The following CDH12 variants were observed in gnomAD, a reference collection of about 807,000 sequenced individuals.
The protein encoded by CDH12 is cadherin 12, also known as cadherin-12.
In CDH12, 41 loss-of-function variants were observed where a neutral mutation model predicts 74.1. The ratio of observed to expected loss-of-function variants is 0.55; its 90% CI spans 0.43 to 0.72. The LOEUF (loss-of-function observed/expected upper bound fraction) is 0.72. CDH12 is among the 30% of genes least tolerant of loss of function. CDH12 has a pLI of 0.00. For synonymous variants in CDH12, 399 were observed against 355.0 expected (o/e 1.12, Z -1.39); for missense variants, 945 against 977.2 (o/e 0.97, Z 0.44).
chr5:22,320,369 A>G (rs1738818467), intron 3 of CDH12, among the ~76,000 whole-genome samples: 1 of 152,194 alleles, frequency 6.6e-6, no homozygotes, highest in South Asian at 2.1e-4. Context: ...AAAATTGTAA[A>G]TGGATTATTT....
chr5:21,753,705 T>C (rs893864984), intron 14 of CDH12, among the ~76,000 whole-genome samples: 2 of 152,138 alleles, frequency 1.3e-5, no homozygotes, highest in Admixed American at 6.6e-5. Context: ...CACTGCTGTA[T>C]ACCAAAAATT....
intron 1 of CDH12, among the ~76,000 whole-genome samples, chr5:22,682,781 TA>T (rs1741563561): frequency 6.6e-6 from 1 of 151,824 alleles, no homozygotes; most frequent in South Asian, 2.1e-4. Context: ...TTACTCTCAT[TA>T]AAACCTTCCT....
At chr5:22,116,645 T>C (rs1410712978) in intron 4 of CDH12, among the ~76,000 whole-genome samples, 3 of 150,646 alleles carry the variant, frequency 2.0e-5, no homozygotes, top group Non-Finnish European at 4.4e-5. Flanking sequence ...AGATGAAAAG[T>C]GTAGCCCGGG....
rs113467163 is a variant in CDH12 at position 22,310,209 on chromosome 5, C to T, written c.-333+95048G>A. Among the ~76,000 whole-genome samples, 668 of 151,984 alleles carry T rather than the reference C, an allele frequency of 4.4e-3. 7 individuals are homozygous for T. Among genetic ancestry groups the T allele is most frequent in the African/African-American group, 0.015 (639 of 41,426 alleles). ...AGCGCGGTGGTTCACGCCTGTATTC[C>T]CTGCACTTTGGGAGGCTGAGGTGGG... On this transcript the variant is annotated intron_variant, in intron 3 of 14. Coordinates refer to ENST00000382254, the MANE Select transcript of CDH12 (RefSeq NM_004061.5).
intron 6 of CDH12, among the ~76,000 whole-genome samples, chr5:21,896,619 G>A (rs764876632): frequency 3.3e-5 from 5 of 152,082 alleles, no homozygotes; most frequent in Non-Finnish European, 7.4e-5. Context: ...CAACCTAATC[G>A]ATGTATAAAC....
At position 21,833,017 on chromosome 5, in the gene CDH12, GATATAAT is replaced by G. The variant is rs1191974465; in HGVS notation, c.814+9137_814+9143del. Among the ~76,000 whole-genome samples the G allele has an allele frequency of 3.7e-3, 109 of 29,850 alleles. 1 individual carries two copies. Among genetic ancestry groups the G allele is most frequent in the African/African-American group, 8.9e-3 (29 of 3,256 alleles). 19.6% of individuals were successfully genotyped at this position (29,850 alleles called of 152,430 possible). A position where few individuals can be genotyped will look rare whatever the true frequency, so the allele number is the denominator to read the frequency against. The stretch of plus-strand genomic sequence containing the variant: ...TATTAATATATTATATATAATATAT[GATATAAT>G]ATATAATATATAATATATAATATAT... On this transcript the variant is annotated intron_variant, in intron 8 of 14. Coordinates refer to ENST00000382254, the MANE Select transcript of CDH12 (RefSeq NM_004061.5).
At chr5:22,507,406 C>T (rs1485184217) in intron 1 of CDH12, among the ~76,000 whole-genome samples, 1 of 151,750 alleles carries the variant, frequency 6.6e-6, no homozygotes, top group Admixed American at 6.6e-5. Flanking sequence ...ATCATTACAG[C>T]TAAATAGTAG....
At chr5:21,795,343 G>A (rs965741358) in intron 10 of CDH12, among the ~76,000 whole-genome samples, 2 of 151,748 alleles carry the variant, frequency 1.3e-5, no homozygotes, top group African/African-American at 4.8e-5. Context: ...ATTTATAAAG[G>A]AAGTAACTGT....
At chr5:22,442,721 T>C (rs1311085013) in intron 2 of CDH12, among the ~76,000 whole-genome samples, 2 of 151,964 alleles carry the variant, frequency 1.3e-5, no homozygotes, top group African/African-American at 4.8e-5. Flanking sequence ...AAAGCAAGGG[T>C]CTTGAGAATG....
chr5:22,454,459 G>A (rs2126569608), intron 2 of CDH12, among the ~76,000 whole-genome samples: 1 of 151,140 alleles, frequency 6.6e-6, no homozygotes, highest in South Asian at 2.1e-4. Context: ...CCATAAACTG[G>A]GTGGCTTAAA....
intron 11 of CDH12, among the ~76,000 whole-genome samples, chr5:21,767,790 A>G (rs757771439): frequency 2.6e-5 from 4 of 151,698 alleles, no homozygotes; most frequent in Non-Finnish European, 5.9e-5. Flanking sequence ...TAAGAACGTC[A>G]CCTAATATTT....
At chr5:22,542,687 A>C (rs1180597187) in intron 1 of CDH12, among the ~76,000 whole-genome samples, 2 of 152,176 alleles carry the variant, frequency 1.3e-5, no homozygotes, top group African/African-American at 4.8e-5. Flanking sequence ...CATGAGGTGC[A>C]AGAGCAATGA....
intron 1 of CDH12, among the ~76,000 whole-genome samples, chr5:22,653,786 G>T (rs756991997): frequency 6.6e-6 from 1 of 152,188 alleles, no homozygotes; most frequent in East Asian, 1.9e-4. Context: ...TGGTCCACAC[G>T]TAGCTATGTG....
chr5:22,570,038 T>C (rs199558197), intron 1 of CDH12, among the ~76,000 whole-genome samples: 11 of 140,098 alleles, frequency 7.9e-5, no homozygotes, highest in Non-Finnish European at 1.3e-4. Context: ...TATTTCGTTT[T>C]ATTTATTTAT....
At chr5:22,559,970 C>G (rs1738968182) in intron 1 of CDH12, among the ~76,000 whole-genome samples, 2 of 152,130 alleles carry the variant, frequency 1.3e-5, no homozygotes, top group Non-Finnish European at 2.9e-5. Context: ...CTTTACCTTG[C>G]ATTAAGTGGA....
chr5:22,581,952 T>C (rs1479246338), intron 1 of CDH12, among the ~76,000 whole-genome samples: 2 of 152,196 alleles, frequency 1.3e-5, no homozygotes, highest in Non-Finnish European at 2.9e-5. Flanking sequence ...TGAACTCGCC[T>C]ATCTTTTCAT....
intron 1 of CDH12, among the ~76,000 whole-genome samples, chr5:22,841,648 G>C (rs76423674): frequency 0.025 from 3,831 of 152,184 alleles, 184 homozygotes; most frequent in African/African-American, 0.088. Flanking sequence ...GAGAACAGAA[G>C]AAACTAGCAA....
intron 1 of CDH12, among the ~76,000 whole-genome samples, chr5:22,754,562 A>G (rs561601892): frequency 7.0e-4 from 49 of 70,252 alleles, no homozygotes; most frequent in Non-Finnish European, 1.2e-3. Context: ...AGGAAGTGGA[A>G]AGCAGACAAA....
intron 1 of CDH12, among the ~76,000 whole-genome samples, chr5:22,737,574 C>CA (rs768834369): frequency 4.0e-5 from 6 of 151,668 alleles, no homozygotes; most frequent in Non-Finnish European, 5.9e-5. Context: ...AAATTACTAA[C>CA]AAAAAATATA....
Sources: gnomAD v4.1 joint callset for allele counts (sites outside exome capture counted in the v4.1 genomes callset) on GRCh38, gnomAD v4.1.1 for gene constraint, MANE v1.5 for transcripts, NCBI Gene and HGNC (gene_info 2026-07-23, HGNC 2026-07-21) for gene names.